Variants in MIS18BP1 observed in about 807,000 individuals in gnomAD.
MIS18BP1 encodes MIS18 binding protein 1, also known as mis18-binding protein 1.
Under a neutral mutation model 116.1 loss-of-function variants are expected in MIS18BP1, and 72 were observed. That is an observed-to-expected ratio of 0.62 (90% confidence interval 0.51 to 0.75). MIS18BP1 has a LOEUF of 0.75. Among genes scored for constraint, MIS18BP1 ranks in the 30% least tolerant of loss-of-function variants. MIS18BP1 has a pLI of 0.00. For missense variants in MIS18BP1, 1,363 were observed against 1,303.2 expected (o/e 1.05, Z -0.71); for synonymous variants, 386 against 427.0 (o/e 0.90, Z 1.18).
chr14:45,226,895 A>C, intron 9 of MIS18BP1, 59 bp from the exon 10 acceptor site: 1 of 1,232,590 alleles, frequency 8.1e-7, no homozygotes, highest in Non-Finnish European at 1.1e-6. Flanking sequence ...ACATGATCTG[A>C]AGCATTTTCA....
chr14:45,214,443 T>C (rs542638760), intron 13 of MIS18BP1, among the ~76,000 whole-genome samples: 1 of 152,194 alleles, frequency 6.6e-6, no homozygotes, highest in Non-Finnish European at 1.5e-5. Flanking sequence ...CTCCCCACTA[T>C]TACCCTACTG....
intron 14 of MIS18BP1, among the ~76,000 whole-genome samples, chr14:45,208,328 T>C (rs72672929): frequency 0.048 from 6,977 of 144,222 alleles, 238 homozygotes; most frequent in Non-Finnish European, 0.072. Context: ...AAGGATGAAG[T>C]TGTTTTTTTT....
At chr14:45,251,700 C>T (rs1015186684) in intron 1 of MIS18BP1, among the ~76,000 whole-genome samples, 2 of 151,968 alleles carry the variant, frequency 1.3e-5, no homozygotes, top group Non-Finnish European at 2.9e-5. Context: ...AATAAATCAA[C>T]TTTAAAAAAT....
chr14:45,211,500 A>G (rs1006102182), intron 13 of MIS18BP1, among the ~76,000 whole-genome samples: 2 of 151,576 alleles, frequency 1.3e-5, no homozygotes, highest in Non-Finnish European at 2.9e-5. Flanking sequence ...CTCTTTAAAA[A>G]CTCCTATGTT....
At chr14:45,223,450 G>A (rs1306282814) in intron 11 of MIS18BP1, among the ~76,000 whole-genome samples, 9 of 152,132 alleles carry the variant, frequency 5.9e-5, no homozygotes, top group South Asian at 2.1e-4. Context: ...GGCAGCGTGC[G>A]CCTGTAGTCC....
At chr14:45,227,100 G>A (rs1017746542) in intron 9 of MIS18BP1, among the ~76,000 whole-genome samples, 10 of 152,048 alleles carry the variant, frequency 6.6e-5, no homozygotes, top group African/African-American at 1.2e-4. Context: ...CTTTATTTAA[G>A]CTTTACTCTA....
intron 8 of MIS18BP1, among the ~76,000 whole-genome samples, chr14:45,230,398 A>G (rs934613101): frequency 6.6e-6 from 1 of 152,198 alleles, no homozygotes; most frequent in Non-Finnish European, 1.5e-5. Flanking sequence ...TGGTCATTCA[A>G]GAAAAGCATT....
intron 14 of MIS18BP1, among the ~76,000 whole-genome samples, chr14:45,209,124 G>C (rs189217065): frequency 9.2e-5 from 14 of 151,624 alleles, no homozygotes; most frequent in African/African-American, 3.4e-4. Context: ...CCAATGTTTT[G>C]GTTTCTTATG....
intron 11 of MIS18BP1, among the ~76,000 whole-genome samples, chr14:45,221,353 T>C (rs1048219680): frequency 2.6e-5 from 4 of 151,728 alleles, no homozygotes; most frequent in East Asian, 1.9e-4. Flanking sequence ...AGGAGAATGG[T>C]GTGAACCTGG....
rs1890881111 is a variant in MIS18BP1 at position 45,218,391 on chromosome 14, AC to A, written c.2732del (p.Gly911ValfsTer51). 1 of 1,613,864 alleles carries A rather than the reference AC, an allele frequency of 6.2e-7. No individual in the cohort carries two copies. Among genetic ancestry groups the A allele is most frequent in the African/African-American group, 1.3e-5 (1 of 74,888 alleles). On this transcript the variant is annotated frameshift_variant, in exon 12 of 17. Coordinates refer to ENST00000310806, the MANE Select transcript of MIS18BP1 (RefSeq NM_018353.5). LOFTEE classifies it high-confidence loss of function. The part of the protein sequence containing the change: ...GFWSEVAAAV[G>X]SRSPEECQRK... ...TCTGGCATTCTTCAGGAGATCGAGA[AC>A]CTACAGCCGCAGCTACCTCTGACCA...
intron 1 of MIS18BP1, among the ~76,000 whole-genome samples, chr14:45,247,985 G>A (rs1891767056): frequency 6.8e-6 from 1 of 147,406 alleles, no homozygotes; most frequent in South Asian, 2.1e-4. Flanking sequence ...TTTTTTTAAT[G>A]TAGTGCTATT....
intron 15 of MIS18BP1, among the ~76,000 whole-genome samples, chr14:45,205,298 C>T (rs575665204): frequency 5.3e-5 from 8 of 152,188 alleles, no homozygotes; most frequent in Non-Finnish European, 8.8e-5. Flanking sequence ...TCATACCACA[C>T]ATGAATAAAA....
intron 14 of MIS18BP1, among the ~76,000 whole-genome samples, chr14:45,207,025 A>T (rs1005351819): frequency 2.6e-5 from 4 of 151,926 alleles, no homozygotes; most frequent in African/African-American, 9.7e-5. Flanking sequence ...CAACCACCAA[A>T]TTTTTTTTCT....
At chr14:45,248,698 A>T (rs958596837) in intron 1 of MIS18BP1, among the ~76,000 whole-genome samples, 1 of 152,230 alleles carries the variant, frequency 6.6e-6, no homozygotes, top group Non-Finnish European at 1.5e-5. Context: ...CCAATAATTT[A>T]TGATAATAGA....
chr14:45,234,990 G>C (rs759456593), intron 6 of MIS18BP1, among the ~76,000 whole-genome samples: 18 of 152,216 alleles, frequency 1.2e-4, no homozygotes, highest in South Asian at 4.2e-4. Context: ...GGCTGAGGTG[G>C]GCAGATCACA....
intron 9 of MIS18BP1, among the ~76,000 whole-genome samples, 200 bp from the exon 10 acceptor site, chr14:45,227,036 A>G (rs1192373381): frequency 6.6e-6 from 1 of 152,112 alleles, no homozygotes; most frequent in East Asian, 1.9e-4. Flanking sequence ...TATCCTACAT[A>G]TTTTCTACAT....
chr14:45,249,406 A>G (rs1306256201), intron 1 of MIS18BP1, among the ~76,000 whole-genome samples: 1 of 152,040 alleles, frequency 6.6e-6, no homozygotes, highest in South Asian at 2.1e-4. Context: ...TTTTTTGTAG[A>G]GACAGAGTTT....
intron 6 of MIS18BP1, among the ~76,000 whole-genome samples, chr14:45,233,208 G>A (rs1054816870): frequency 6.6e-5 from 10 of 152,140 alleles, no homozygotes; most frequent in Non-Finnish European, 1.5e-4. Context: ...GCAATATTGG[G>A]TTAGAATACT....
At chr14:45,243,676 T>C (rs1389907188) in intron 2 of MIS18BP1, among the ~76,000 whole-genome samples, 1 of 152,142 alleles carries the variant, frequency 6.6e-6, no homozygotes, top group Non-Finnish European at 1.5e-5. Context: ...AAGATTTCAT[T>C]ATAACAACGT....
Sources: gnomAD v4.1 joint callset for allele counts (sites outside exome capture counted in the v4.1 genomes callset) on GRCh38, gnomAD v4.1.1 for gene constraint, MANE v1.5 for transcripts, NCBI Gene and HGNC (gene_info 2026-07-23, HGNC 2026-07-21) for gene names.